KIAA1549L: variants seen among roughly 807,000 people sequenced by gnomAD.
KIAA1549L encodes UPF0606 protein KIAA1549L.
In KIAA1549L, 88 loss-of-function variants were observed where a neutral mutation model predicts 160.7. That is an observed-to-expected ratio of 0.55 (90% CI 0.46 to 0.65). The LOEUF is 0.65. Among genes scored for constraint, KIAA1549L ranks in the 30% least tolerant of loss-of-function variants. The pLI, the probability that KIAA1549L is intolerant of heterozygous loss-of-function variation, is 0.00. For synonymous variants in KIAA1549L, 950 were observed against 976.7 expected, an observed-to-expected ratio of 0.97 and a Z score of 0.51; for missense variants, 2,258 against 2,437.5, an observed-to-expected ratio of 0.93 and a Z score of 1.55.
In KIAA1549L at chr11:33,608,843, A is replaced by T. The variant is rs139097849; in HGVS notation, c.5062-906A>T. Among the ~76,000 whole-genome samples the T allele has an allele frequency of 1.2e-3, 180 of 152,374 alleles. No homozygotes were observed. In the East Asian group the frequency reaches 0.015, roughly 13 times the overall value. The stretch of plus-strand genomic sequence containing the variant: ...ATAATTTGCTGCCTTGTGGAGCCTG[A>T]CACAGATTGTCTTGTAATTTTCTTC... On this transcript the variant is annotated intron_variant, in intron 14 of 20. Coordinates refer to ENST00000658780, the MANE Select transcript of KIAA1549L (RefSeq NM_012194.3).
chr11:33,607,804 CA>C (rs748163942), intron 14 of KIAA1549L, among the ~76,000 whole-genome samples: 5 of 152,198 alleles, frequency 3.3e-5, no homozygotes, highest in Non-Finnish European at 5.9e-5. Context: ...AAACCCAACT[CA>C]GGAAGCAACT....
intron 11 of KIAA1549L, among the ~76,000 whole-genome samples, chr11:33,586,563 G>A (rs569625420): frequency 1.4e-4 from 21 of 152,222 alleles, no homozygotes; most frequent in African/African-American, 2.2e-4. Flanking sequence ...AAGAGATCAC[G>A]TTTCCCTGGA....
intron 7 of KIAA1549L, 63 bp downstream of exon 7, chr11:33,559,974 A>C: frequency 6.7e-7 from 1 of 1,498,914 alleles, no homozygotes; most frequent in Non-Finnish European, 9.2e-7. Context: ...CCATTTAGCA[A>C]ACATTTATAG....
chr11:33,521,714 G>A (rs553692308), intron 1 of KIAA1549L, among the ~76,000 whole-genome samples: 1 of 152,324 alleles, frequency 6.6e-6, no homozygotes, highest in African/African-American at 2.4e-5. Flanking sequence ...AGACAAGAAA[G>A]TTCTCTGGAC....
intron 1 of KIAA1549L, among the ~76,000 whole-genome samples, chr11:33,446,193 C>T (rs1273766852): frequency 1.3e-5 from 2 of 151,442 alleles, no homozygotes; most frequent in South Asian, 4.2e-4. Context: ...CTCCCAGGCT[C>T]AAGCGATTAT....
At chr11:33,613,943 C>T (rs1368865686) in intron 15 of KIAA1549L, among the ~76,000 whole-genome samples, 3 of 152,110 alleles carry the variant, frequency 2.0e-5, no homozygotes, top group Admixed American at 6.5e-5. Flanking sequence ...TGTTGGCGGC[C>T]CCAGTCCATG....
chr11:33,446,418 A>G (rs1229987765), intron 1 of KIAA1549L, among the ~76,000 whole-genome samples: 1 of 152,012 alleles, frequency 6.6e-6, no homozygotes, highest in Admixed American at 6.6e-5. Context: ...GTTTTTTTCC[A>G]AAAGTCCTGT....
intron 16 of KIAA1549L, among the ~76,000 whole-genome samples, chr11:33,622,858 C>T (rs4755770): frequency 0.56 from 84,872 of 152,044 alleles, 23,841 homozygotes; most frequent in Middle Eastern, 0.66. Flanking sequence ...GAGCTCAGTC[C>T]ACAACAGCCT....
chr11:33,567,979 G>T, intron 8 of KIAA1549L, 97 bp from the exon 9 acceptor site: 1 of 1,276,252 alleles, frequency 7.8e-7, no homozygotes, highest in East Asian at 2.7e-5. Flanking sequence ...GGACACAGTG[G>T]CCCTTGGTGG....
At chr11:33,414,112 T>A (rs1170363849) in intron 1 of KIAA1549L, among the ~76,000 whole-genome samples, 2 of 152,222 alleles carry the variant, frequency 1.3e-5, no homozygotes, top group Non-Finnish European at 2.9e-5. Flanking sequence ...ACCTGCTGCC[T>A]AGTATTTTTA....
chr11:33,646,969 G>A (rs749221038), intron 17 of KIAA1549L, among the ~76,000 whole-genome samples: 3 of 152,098 alleles, frequency 2.0e-5, no homozygotes, highest in Non-Finnish European at 4.4e-5. Context: ...GTAACTTGGG[G>A]AAATTGTTTA....
chr11:33,659,709 G>A (rs934484694), intron 19 of KIAA1549L, among the ~76,000 whole-genome samples: 1 of 152,134 alleles, frequency 6.6e-6, no homozygotes, highest in African/African-American at 2.4e-5. Context: ...TTTTCTTGGC[G>A]CTTTAAAAAT....
intron 3 of KIAA1549L, among the ~76,000 whole-genome samples, chr11:33,546,726 C>G (rs1037509741): frequency 1.3e-5 from 2 of 152,198 alleles, no homozygotes; most frequent in Admixed American, 1.3e-4. Context: ...GTAGTCCCCT[C>G]TTATCTGCAG....
At chr11:33,582,012 A>C (rs1046652428) in intron 10 of KIAA1549L, among the ~76,000 whole-genome samples, 1 of 152,240 alleles carries the variant, frequency 6.6e-6, no homozygotes, top group Admixed American at 6.5e-5. Flanking sequence ...GGATAAAATA[A>C]TGATAAAGAG....
chr11:33,514,049 G>A (rs957202119), intron 1 of KIAA1549L, among the ~76,000 whole-genome samples: 8 of 152,156 alleles, frequency 5.3e-5, no homozygotes, highest in Admixed American at 1.3e-4. Context: ...CCTCTGCACC[G>A]GTTACAAGGT....
intron 15 of KIAA1549L, among the ~76,000 whole-genome samples, chr11:33,617,343 A>G (rs1213599106): frequency 2.0e-5 from 3 of 152,168 alleles, no homozygotes; most frequent in African/African-American, 7.2e-5. Flanking sequence ...AGCATAGCCA[A>G]TCTCCTCACT....
intron 9 of KIAA1549L, among the ~76,000 whole-genome samples, chr11:33,568,573 G>A (rs529411218): frequency 6.6e-6 from 1 of 152,324 alleles, no homozygotes; most frequent in South Asian, 2.1e-4. Flanking sequence ...GCTCAATGAA[G>A]TCCCAGCTCT....
At chr11:33,448,653 T>G (rs1310696407) in intron 1 of KIAA1549L, among the ~76,000 whole-genome samples, 1 of 152,208 alleles carries the variant, frequency 6.6e-6, no homozygotes, top group Admixed American at 6.5e-5. Flanking sequence ...GTGTTCTTCC[T>G]CAGTGCGGGA....
intron 1 of KIAA1549L, among the ~76,000 whole-genome samples, chr11:33,384,631 A>C (rs1203196359): frequency 6.6e-6 from 1 of 151,958 alleles, no homozygotes; most frequent in East Asian, 1.9e-4. Flanking sequence ...TTTTCCTTTT[A>C]ATTTAGATGT....
Sources: gnomAD v4.1 joint callset for allele counts (sites outside exome capture counted in the v4.1 genomes callset) on GRCh38, gnomAD v4.1.1 for gene constraint, MANE v1.5 for transcripts, NCBI Gene and HGNC (gene_info 2026-07-23, HGNC 2026-07-21) for gene names.